The following CHODL variants were observed in gnomAD, a reference collection of about 807,000 sequenced individuals.
The protein encoded by CHODL is chondrolectin.
A neutral mutation model predicts 34.5 loss-of-function variants in CHODL; 29 were observed. That is an observed-to-expected ratio of 0.84 (90% CI 0.63 to 1.15). CHODL has a LOEUF of 1.15. Ranked by LOEUF, CHODL falls within the 50% of genes most tolerant of loss-of-function variation. CHODL has a pLI of 0.00. For synonymous variants in CHODL, 125 were observed against 116.1 expected (o/e 1.08, Z -0.49); for missense variants, 332 against 332.5 (o/e 1.00, Z 0.01).
intron 1 of CHODL, among the ~76,000 whole-genome samples, chr21:17,925,971 A>C (rs1188385470): frequency 6.6e-6 from 1 of 152,202 alleles, no homozygotes; most frequent in Non-Finnish European, 1.5e-5. Context: ...TTAGTATTTC[A>C]AAACTTATTT....
intron 4 of CHODL, 150 bp downstream of exon 4, chr21:18,260,436 A>C (rs1164875360): frequency 1.9e-6 from 1 of 517,494 alleles, no homozygotes; most frequent in Non-Finnish European, 3.4e-6. Flanking sequence ...CTAGGTTAGA[A>C]AAAATTATGC....
intron 1 of CHODL, among the ~76,000 whole-genome samples, chr21:17,935,097 CAAT>C (rs2146324361): frequency 6.6e-6 from 1 of 152,214 alleles, no homozygotes; most frequent in East Asian, 1.9e-4. Flanking sequence ...GAGTTGAAAA[CAAT>C]AAAGCTCTAT....
chr21:18,169,682 A>G (rs2073203974), intron 2 of CHODL, among the ~76,000 whole-genome samples: 1 of 151,652 alleles, frequency 6.6e-6, no homozygotes, highest in Non-Finnish European at 1.5e-5. Flanking sequence ...TTTTAAACGG[A>G]TAAGTTTAGG....
chr21:17,990,372 T>G (rs197559), intron 1 of CHODL, among the ~76,000 whole-genome samples: 82,561 of 151,822 alleles, frequency 0.54, 23,362 homozygotes, highest in African/African-American at 0.69. Context: ...TAAGTTTCAT[T>G]TCTTAAAAGC....
In CHODL at chr21:18,070,484, C is replaced by A. The variant is rs573335364; in HGVS notation, c.-45+42513C>A. Reference sequence around the variant, plus strand: ...AAGTAAAATTGGAGATGAGATAAAACTGTACTAAGTTCGAGAGTAAGCAAA... The same window carrying A: ...AAGTAAAATTGGAGATGAGATAAAAATGTACTAAGTTCGAGAGTAAGCAAA... On this transcript the variant is annotated intron_variant, in intron 2 of 6. Coordinates refer to the CHODL transcript ENST00000400127. 1.3e-3 allele frequency among the ~76,000 whole-genome samples: 197 copies of A among 152,070 alleles called. 1 individual carries two copies. Among genetic ancestry groups the A allele is most frequent in the Middle Eastern group, 3.4e-3 (1 of 294 alleles).
At chr21:18,259,177 G>C (rs1337941828) in intron 3 of CHODL, among the ~76,000 whole-genome samples, 6 of 151,916 alleles carry the variant, frequency 3.9e-5, no homozygotes, top group East Asian at 3.9e-4. Context: ...TAAGAACATG[G>C]GTTCTTATTT....
In CHODL at chr21:18,265,935, T is replaced by A. The variant is rs377673556; in HGVS notation, c.738-19T>A. The A allele has an allele frequency of 5.6e-5, 89 of 1,602,640 alleles. No homozygotes were observed. Among genetic ancestry groups the A allele is most frequent in the Non-Finnish European group, 7.0e-5 (82 of 1,175,032 alleles). On this transcript the variant is annotated intron_variant, in intron 5 of 5. Coordinates refer to ENST00000299295, the MANE Select transcript of CHODL (RefSeq NM_024944.3). ...ATAAGAAATTTTAGGCACTAAACAT[T>A]TTTTCTTATGTTTTTCAGTAAAGGA...
intron 1 of CHODL, among the ~76,000 whole-genome samples, chr21:17,922,723 C>G (rs538145770): frequency 1.3e-5 from 2 of 152,208 alleles, no homozygotes; most frequent in African/African-American, 4.8e-5. Context: ...TAAGTTTATT[C>G]TTTTACTGAA....
chr21:18,110,186 A>G lies in CHODL; in HGVS notation c.-45+82215A>G, dbSNP rs560765138. On this transcript the variant is annotated intron_variant, in intron 2 of 6. Transcript: ENST00000400127. Reference sequence around the variant, plus strand: ...CAACAAGAGTATTACAGTTCCACTAACTTTTGCTTCCTCTTTCTAATGTAT... The same window carrying G: ...CAACAAGAGTATTACAGTTCCACTAGCTTTTGCTTCCTCTTTCTAATGTAT... 2.6e-5 allele frequency among the ~76,000 whole-genome samples: 4 copies of G among 152,316 alleles called. No homozygotes were observed. The East Asian group carries it at 7.7e-4, about 29-fold the overall frequency.
chr21:18,132,964 T>TA (rs2072675059), intron 2 of CHODL, among the ~76,000 whole-genome samples: 3 of 152,138 alleles, frequency 2.0e-5, no homozygotes, highest in Admixed American at 2.0e-4. Context: ...AACCTATGAC[T>TA]CTCGAGTCTT....
At chr21:18,195,199 T>C (rs1386026156) in intron 2 of CHODL, among the ~76,000 whole-genome samples, 4 of 151,980 alleles carry the variant, frequency 2.6e-5, no homozygotes, top group South Asian at 2.1e-4. Context: ...GGACTACAGG[T>C]GCCTGCCACC....
intron 2 of CHODL, among the ~76,000 whole-genome samples, chr21:18,148,595 T>C (rs569356353): frequency 6.6e-6 from 1 of 152,234 alleles, no homozygotes; most frequent in Non-Finnish European, 1.5e-5. Flanking sequence ...AGGTGTGAGG[T>C]CACATAAGCC....
At chr21:18,093,720 A>T (rs172266) in intron 2 of CHODL, among the ~76,000 whole-genome samples, 1 of 151,936 alleles carries the variant, frequency 6.6e-6, no homozygotes, top group Non-Finnish European at 1.5e-5. Context: ...CATCAAATTG[A>T]AAATCATACA....
Position 18,245,116 on chromosome 21 carries a change from A to G in CHODL, c.-108A>G. On this transcript the variant is annotated 5_prime_UTR_variant, in exon 1 of 6. An upstream open reading frame in the 5' UTR loses its in-frame stop. Transcript: ENST00000299295. ...GCAGCTGGGCTCGGGCGGCGGGAGT[A>G]GGGCCCGGCAGGGAGGCAGGGAGGC... 1.1e-6 allele frequency: 1 copy of G among 923,746 alleles called. No individual in the cohort carries two copies. 57.2% of individuals were successfully genotyped at this position (923,746 alleles called of 1,614,324 possible). A position where few individuals can be genotyped will look rare whatever the true frequency, so the allele number is the denominator to read the frequency against.
intron 4 of CHODL, among the ~76,000 whole-genome samples, chr21:18,261,817 G>C (rs535105439): frequency 6.6e-6 from 1 of 152,092 alleles, no homozygotes; most frequent in Admixed American, 6.5e-5. Flanking sequence ...AAATGTGATG[G>C]AACAGGATTA....
chr21:18,121,847 G>A (rs879503645), intron 2 of CHODL, among the ~76,000 whole-genome samples: 8 of 151,980 alleles, frequency 5.3e-5, no homozygotes, highest in South Asian at 2.1e-4. Context: ...CTATCTTTAC[G>A]TCATCAACTA....
chr21:18,059,493 CT>C (rs11316292), intron 2 of CHODL, among the ~76,000 whole-genome samples: 61,764 of 142,840 alleles, frequency 0.43, 13,334 homozygotes, highest in East Asian at 0.81. Context: ...AACTCATGAT[CT>C]TTTTTTTTTT....
At chr21:17,937,215 A>G (rs2063326313) in intron 1 of CHODL, among the ~76,000 whole-genome samples, 1 of 152,168 alleles carries the variant, frequency 6.6e-6, no homozygotes, top group Admixed American at 6.5e-5. Context: ...AAGTCAGTGA[A>G]GTTATCTGCT....
In CHODL at chr21:18,025,165, T is replaced by TA. The variant is rs1478757068; in HGVS notation, c.-144-2700dup. ...GATTCAAAACACCTAGCAATAAATT[T>TA]AAAAAAACCAAAGATTTAAAAGTAG... On this transcript the variant is annotated intron_variant, in intron 1 of 6. Transcript: ENST00000400127. 5.9e-5 allele frequency among the ~76,000 whole-genome samples: 9 copies of TA among 152,258 alleles called. No individual in the cohort carries two copies. In the East Asian group the frequency reaches 1.5e-3, roughly 26 times the overall value.
Sources: allele counts gnomAD v4.1 joint callset (sites outside exome capture counted in the v4.1 genomes callset), GRCh38; gene constraint gnomAD v4.1.1; transcripts MANE v1.5; gene names NCBI Gene and HGNC (gene_info 2026-07-23, HGNC 2026-07-21).